Variants in RBFOX1 observed in about 807,000 individuals in gnomAD.
The protein encoded by RBFOX1 is RNA binding protein fox-1 homolog 1.
In RBFOX1, 8 loss-of-function variants were observed where a neutral mutation model predicts 57.7. That is an observed-to-expected ratio of 0.14 (90% confidence interval 0.08 to 0.25). The LOEUF (loss-of-function observed/expected upper bound fraction) is 0.25, where lower values mean the gene tolerates loss of function less well. Among genes scored for constraint, RBFOX1 ranks in the 10% least tolerant of loss-of-function variants. The probability of loss-of-function intolerance (pLI) is 1.00; values close to 1 mark genes in which losing one functional copy is unlikely to be tolerated. For synonymous variants in RBFOX1, 326 were observed against 222.4 expected (o/e 1.47, Z -4.15); for missense variants, 611 against 548.5 (o/e 1.11, Z -1.14).
chr16:6,726,655 G>C (rs1194556164), intron 3 of RBFOX1, among the ~76,000 whole-genome samples: 2 of 152,140 alleles, frequency 1.3e-5, no homozygotes, highest in Non-Finnish European at 2.9e-5. Context: ...TGCATGCCCA[G>C]AGAACTAGCT....
At chr16:5,658,293 C>T (rs2049521739) in intron 3 of RBFOX1, among the ~76,000 whole-genome samples, 1 of 152,126 alleles carries the variant, frequency 6.6e-6, no homozygotes, top group South Asian at 2.1e-4. Flanking sequence ...GGAAAGATAT[C>T]CTGAGCCAAG....
rs561687197 is a variant in RBFOX1 at position 5,654,945 on chromosome 16, T to TC, written c.318+55991dup. Among the ~76,000 whole-genome samples, 22 of 151,938 alleles carry TC rather than the reference T, an allele frequency of 1.4e-4. No homozygotes were observed. In the East Asian group the frequency reaches 2.3e-3, roughly 16 times the overall value. On this transcript the variant is annotated intron_variant, in intron 3 of 19. Transcript: ENST00000641259. The stretch of plus-strand genomic sequence containing the variant: ...GTACCATTTCAGCATCCAGGACAGC[T>TC]CCCCCCCAGCAAGTAGAGGCTCTCC...
chr16:6,518,649 C>T (rs1281043474), intron 2 of RBFOX1, among the ~76,000 whole-genome samples: 1 of 152,094 alleles, frequency 6.6e-6, no homozygotes, highest in African/African-American at 2.4e-5. Flanking sequence ...CTAGTGTTTG[C>T]CTTAAGGGCC....
At chr16:6,116,281 C>T (rs1241917838) in intron 1 of RBFOX1, among the ~76,000 whole-genome samples, 3 of 145,118 alleles carry the variant, frequency 2.1e-5, no homozygotes, top group African/African-American at 8.0e-5. Context: ...GGGTGGGGGG[C>T]AGGGGAGGCA....
chr16:7,628,985 G>A (rs1319736863), intron 10 of RBFOX1, among the ~76,000 whole-genome samples: 1 of 152,180 alleles, frequency 6.6e-6, no homozygotes, highest in Non-Finnish European at 1.5e-5. Flanking sequence ...CACTCCGCCA[G>A]ACTCTTGATA....
chr16:6,667,061 A>G lies in RBFOX1; in HGVS notation c.-16+12411A>G, dbSNP rs551826422. 2.0e-5 allele frequency among the ~76,000 whole-genome samples: 3 copies of G among 152,304 alleles called. No homozygotes were observed. The South Asian group carries it at 6.2e-4, about 32-fold the overall frequency. On this transcript the variant is annotated intron_variant, in intron 3 of 15. Coordinates refer to ENST00000550418, the MANE Select transcript of RBFOX1 (RefSeq NM_018723.4). Reference sequence around the variant, plus strand: ...TACTAAACGTTGAAAATGAGATGTTAGTCGTACTTTCCTCTTTCATTTATT... The same window carrying G: ...TACTAAACGTTGAAAATGAGATGTTGGTCGTACTTTCCTCTTTCATTTATT...
chr16:7,504,430 C>G (rs187277490), intron 4 of RBFOX1, among the ~76,000 whole-genome samples: 3 of 151,754 alleles, frequency 2.0e-5, no homozygotes, highest in East Asian at 3.9e-4. Flanking sequence ...TTGACAACCT[C>G]TAATTTTGCC....
intron 5 of RBFOX1, among the ~76,000 whole-genome samples, chr16:7,523,238 C>T (rs779770610): frequency 3.3e-5 from 5 of 152,180 alleles, no homozygotes; most frequent in Admixed American, 6.5e-5. Context: ...CATTTACCTA[C>T]ACATGGGCAT....
At chr16:5,934,102 T>A (rs1377650830) in intron 4 of RBFOX1, among the ~76,000 whole-genome samples, 3 of 152,234 alleles carry the variant, frequency 2.0e-5, no homozygotes, top group African/African-American at 7.2e-5. Context: ...CCATCCATGT[T>A]CCTGCCACAA....
At chr16:6,134,496 G>T (rs961173777) in intron 1 of RBFOX1, among the ~76,000 whole-genome samples, 1 of 152,116 alleles carries the variant, frequency 6.6e-6, no homozygotes, top group Non-Finnish European at 1.5e-5. Flanking sequence ...TAGTAAATCT[G>T]CCTGATCCTG....
intron 2 of RBFOX1, among the ~76,000 whole-genome samples, chr16:6,562,812 C>T (rs879352626): frequency 4.1e-5 from 6 of 147,916 alleles, no homozygotes; most frequent in Non-Finnish European, 6.0e-5. Flanking sequence ...TAAGCAACTG[C>T]AGGCCTTGAT....
At chr16:7,341,496 T>G (rs915584262) in intron 4 of RBFOX1, among the ~76,000 whole-genome samples, 1 of 151,968 alleles carries the variant, frequency 6.6e-6, no homozygotes, top group East Asian at 1.9e-4. Flanking sequence ...CGCAGTAGAG[T>G]CAGAGGTTAA....
At chr16:5,745,974 T>G (rs1399701996) in intron 3 of RBFOX1, among the ~76,000 whole-genome samples, 1 of 152,242 alleles carries the variant, frequency 6.6e-6, no homozygotes, top group African/African-American at 2.4e-5. Context: ...TGGCTTTTGT[T>G]GCCATTGGTT....
chr16:7,039,881 T>G (rs373943184), intron 3 of RBFOX1, among the ~76,000 whole-genome samples: 1 of 152,044 alleles, frequency 6.6e-6, no homozygotes, highest in South Asian at 2.1e-4. Flanking sequence ...GTTTGTACTT[T>G]TACTTTCCTA....
At chr16:6,436,583 T>C (rs985950946) in intron 2 of RBFOX1, among the ~76,000 whole-genome samples, 8 of 151,798 alleles carry the variant, frequency 5.3e-5, no homozygotes, top group African/African-American at 1.9e-4. Flanking sequence ...TATTATTTTT[T>C]CTGGGGGGAA....
chr16:6,395,248 G>A (rs1336239526), intron 2 of RBFOX1, among the ~76,000 whole-genome samples: 5 of 152,132 alleles, frequency 3.3e-5, no homozygotes, highest in East Asian at 1.9e-4. Context: ...ACCATTAAAC[G>A]AATGCGTTTT....
At position 6,844,623 on chromosome 16, in the gene RBFOX1, C is replaced by G. The variant is rs139526535; in HGVS notation, c.-16+189973C>G. On this transcript the variant is annotated intron_variant, in intron 3 of 15. Coordinates refer to ENST00000550418, the MANE Select transcript of RBFOX1 (RefSeq NM_018723.4). Reference sequence around the variant, plus strand: ...TAGGTTGAGTCCTTGTCTTTGCTATCGTGAATAGTGCTGCAATTAACTTAC... The same window carrying G: ...TAGGTTGAGTCCTTGTCTTTGCTATGGTGAATAGTGCTGCAATTAACTTAC... 7.9e-5 allele frequency among the ~76,000 whole-genome samples: 12 copies of G among 151,988 alleles called. No homozygotes were observed. The South Asian group carries it at 8.3e-4, about 11-fold the overall frequency.
intron 1 of RBFOX1, among the ~76,000 whole-genome samples, chr16:5,447,194 G>A (rs2068269053): frequency 6.6e-6 from 1 of 152,044 alleles, no homozygotes; most frequent in Admixed American, 6.6e-5. Context: ...CCCCTCAAAG[G>A]AGTATTGTCC....
chr16:6,790,826 C>T (rs903440791), intron 3 of RBFOX1, among the ~76,000 whole-genome samples: 7 of 151,960 alleles, frequency 4.6e-5, no homozygotes. Context: ...ATTTTCAAAT[C>T]ACAGTTATTT....
Sources: gnomAD v4.1 joint callset for allele counts (sites outside exome capture counted in the v4.1 genomes callset) on GRCh38, gnomAD v4.1.1 for gene constraint, MANE v1.5 for transcripts, NCBI Gene and HGNC (gene_info 2026-07-23, HGNC 2026-07-21) for gene names.